The following PHACTR1 variants were observed in gnomAD, a reference collection of about 807,000 sequenced individuals.
The protein encoded by PHACTR1 is phosphatase and actin regulator 1.
PHACTR1 carries 16 observed loss-of-function variants against 69.2 expected under a neutral mutation model. The ratio of observed to expected loss-of-function variants is 0.23; its 90% CI spans 0.16 to 0.35. The LOEUF is 0.35. Among genes scored for constraint, PHACTR1 ranks in the 10% least tolerant of loss-of-function variants. The probability of loss-of-function intolerance (pLI) is 1.00; values close to 1 mark genes in which losing one functional copy is unlikely to be tolerated. For missense variants in PHACTR1, 510 were observed against 734.7 expected, an observed-to-expected ratio of 0.69 and a Z score of 3.54; for synonymous variants, 312 against 284.5, an observed-to-expected ratio of 1.10 and a Z score of -0.97.
At chr6:13,110,903 C>T (rs1270858035) in intron 5 of PHACTR1, among the ~76,000 whole-genome samples, 2 of 151,950 alleles carry the variant, frequency 1.3e-5, no homozygotes, top group African/African-American at 4.8e-5. Flanking sequence ...AGTTTTGTGC[C>T]CTGGGTTTTT....
At chr6:13,016,593 G>C (rs1019452962) in intron 4 of PHACTR1, among the ~76,000 whole-genome samples, 4 of 151,292 alleles carry the variant, frequency 2.6e-5, no homozygotes, top group African/African-American at 9.7e-5. Context: ...GTACATAAAA[G>C]GTGAAATTAC....
At chr6:13,065,052 G>A (rs1808418416) in intron 5 of PHACTR1, among the ~76,000 whole-genome samples, 1 of 152,096 alleles carries the variant, frequency 6.6e-6, no homozygotes, top group Non-Finnish European at 1.5e-5. Flanking sequence ...CTGAAGAGGA[G>A]CAGATTTGTG....
intron 4 of PHACTR1, among the ~76,000 whole-genome samples, chr6:12,813,128 C>G (rs1775209334): frequency 6.6e-6 from 1 of 152,000 alleles, no homozygotes; most frequent in Non-Finnish European, 1.5e-5. Flanking sequence ...TAAGGATGCA[C>G]AGAGAGAGAA....
At chr6:12,952,481 G>A (rs1470215801) in intron 4 of PHACTR1, among the ~76,000 whole-genome samples, 1 of 152,142 alleles carries the variant, frequency 6.6e-6, no homozygotes, top group Non-Finnish European at 1.5e-5. Context: ...AACAGTGTGT[G>A]GCCTTTCCAG....
chr6:12,896,361 AGG>A (rs920568092), intron 4 of PHACTR1, among the ~76,000 whole-genome samples: 5 of 152,230 alleles, frequency 3.3e-5, no homozygotes, highest in African/African-American at 1.2e-4. Context: ...TAGATTTGTT[AGG>A]GTGTTTCTTC....
intron 4 of PHACTR1, among the ~76,000 whole-genome samples, chr6:12,976,996 C>T (rs1211947098): frequency 2.0e-5 from 3 of 152,164 alleles, no homozygotes; most frequent in Non-Finnish European, 2.9e-5. Context: ...GACAGAGTCT[C>T]GCTCTGTTGC....
intron 8 of PHACTR1, among the ~76,000 whole-genome samples, chr6:13,212,245 A>G (rs1766965507): frequency 6.6e-6 from 1 of 152,122 alleles, no homozygotes; most frequent in South Asian, 2.1e-4. Flanking sequence ...TCAACATATG[A>G]ATTTATCTGG....
intron 3 of PHACTR1, among the ~76,000 whole-genome samples, chr6:12,746,509 A>G (rs956469148): frequency 6.6e-6 from 1 of 152,158 alleles, no homozygotes; most frequent in African/African-American, 2.4e-5. Context: ...CTGCACTCCA[A>G]CCTGGGTGAC....
chr6:13,243,393 G>A (rs1773136973), intron 10 of PHACTR1, among the ~76,000 whole-genome samples: 1 of 152,036 alleles, frequency 6.6e-6, no homozygotes, highest in Non-Finnish European at 1.5e-5. Context: ...TTACCAGGAG[G>A]CAATGAATAA....
intron 4 of PHACTR1, among the ~76,000 whole-genome samples, chr6:12,978,328 G>C (rs990521834): frequency 3.3e-5 from 5 of 152,164 alleles, no homozygotes; most frequent in African/African-American, 1.2e-4. Flanking sequence ...AGGCATCCAA[G>C]GCCTTCCAGG....
At chr6:12,766,071 A>G (rs532022829) in intron 4 of PHACTR1, among the ~76,000 whole-genome samples, 15 of 152,302 alleles carry the variant, frequency 9.8e-5, no homozygotes, top group Admixed American at 3.9e-4. Flanking sequence ...GACCCTAGGA[A>G]CTATCATCAC....
chr6:13,145,883 T>C (rs534308706), intron 5 of PHACTR1, among the ~76,000 whole-genome samples: 1 of 152,344 alleles, frequency 6.6e-6, no homozygotes, highest in Non-Finnish European at 1.5e-5. Flanking sequence ...CCTTGCAGAC[T>C]AATATATCAA....
intron 4 of PHACTR1, among the ~76,000 whole-genome samples, chr6:12,926,005 G>A (rs141469002): frequency 1.7e-4 from 26 of 151,704 alleles, no homozygotes; most frequent in African/African-American, 4.6e-4. Context: ...TCTATATTCC[G>A]TCTTCCACGT....
chr6:13,031,680 A>G (rs1389507182), intron 4 of PHACTR1, among the ~76,000 whole-genome samples: 4 of 152,226 alleles, frequency 2.6e-5, no homozygotes, highest in Admixed American at 1.3e-4. Flanking sequence ...ATTCTGGCAC[A>G]TTGGCTATAT....
chr6:12,884,034 A>G (rs1199321608), intron 4 of PHACTR1, among the ~76,000 whole-genome samples: 1 of 151,714 alleles, frequency 6.6e-6, no homozygotes, highest in Non-Finnish European at 1.5e-5. Flanking sequence ...ACATACACAC[A>G]TGCATACATA....
intron 4 of PHACTR1, among the ~76,000 whole-genome samples, chr6:12,968,295 GAAAA>G (rs1464256755): frequency 6.6e-6 from 1 of 152,158 alleles, no homozygotes; most frequent in Non-Finnish European, 1.5e-5. Flanking sequence ...AATGAGCTTG[GAAAA>G]CAGCAGCTTC....
At chr6:12,978,444 G>T (rs6923153) in intron 4 of PHACTR1, among the ~76,000 whole-genome samples, 1 of 152,054 alleles carries the variant, frequency 6.6e-6, no homozygotes. Flanking sequence ...GTCAGGGCTC[G>T]CCTACCTCCA....
intron 4 of PHACTR1, among the ~76,000 whole-genome samples, chr6:12,823,654 T>C (rs573976660): frequency 2.8e-4 from 43 of 152,360 alleles, no homozygotes; most frequent in African/African-American, 9.4e-4. Flanking sequence ...TATTGAATTA[T>C]GCTAACTGAT....
intron 5 of PHACTR1, among the ~76,000 whole-genome samples, chr6:13,089,720 G>A (rs376728904): frequency 6.6e-6 from 1 of 152,184 alleles, no homozygotes; most frequent in Non-Finnish European, 1.5e-5. Context: ...CGTCCTACTA[G>A]CTGTATATTC....
Sources: gnomAD v4.1 joint callset for allele counts (sites outside exome capture counted in the v4.1 genomes callset) on GRCh38, gnomAD v4.1.1 for gene constraint, MANE v1.5 for transcripts, NCBI Gene and HGNC (gene_info 2026-07-23, HGNC 2026-07-21) for gene names.